CDH4: variants seen among roughly 807,000 people sequenced by gnomAD.
CDH4 encodes the protein cadherin-4.
Under a neutral mutation model 86.0 loss-of-function variants are expected in CDH4, and 33 were observed. The observed-to-expected ratio is 0.38, with a 90% CI of 0.29 to 0.51. The LOEUF (loss-of-function observed/expected upper bound fraction) is 0.51. CDH4 is among the 20% of genes least tolerant of loss of function. The pLI is 0.86. For missense variants in CDH4, 1,114 were observed against 1,307.4 expected, an observed-to-expected ratio of 0.85 and a Z score of 2.28; for synonymous variants, 555 against 549.4, an observed-to-expected ratio of 1.01 and a Z score of -0.14.
chr20:61,284,042 C>T (rs1814356853), intron 2 of CDH4, among the ~76,000 whole-genome samples: 1 of 151,866 alleles, frequency 6.6e-6, no homozygotes, highest in African/African-American at 2.4e-5. Context: ...CGCGGTGGCT[C>T]ACACCTGTAA....
chr20:61,543,828 A>G (rs1330570819), intron 2 of CDH4, among the ~76,000 whole-genome samples: 3 of 152,340 alleles, frequency 2.0e-5, no homozygotes, highest in East Asian at 3.9e-4. Context: ...CACTGAGGCA[A>G]AGGTGGACCA....
intron 9 of CDH4, among the ~76,000 whole-genome samples, chr20:61,916,640 T>C (rs1422054583): frequency 1.3e-5 from 2 of 152,224 alleles, no homozygotes; most frequent in African/African-American, 2.4e-5. Flanking sequence ...TTACTTTAAT[T>C]CCATGAAGGG....
At chr20:61,428,709 G>A (rs2085228168) in intron 2 of CDH4, among the ~76,000 whole-genome samples, 1 of 152,168 alleles carries the variant, frequency 6.6e-6, no homozygotes, top group Non-Finnish European at 1.5e-5. Context: ...TCTCGATCTG[G>A]ATGCTGGTAA....
At chr20:61,667,260 C>T (rs1301945523) in intron 2 of CDH4, among the ~76,000 whole-genome samples, 2 of 152,226 alleles carry the variant, frequency 1.3e-5, no homozygotes, top group Non-Finnish European at 2.9e-5. Context: ...GAGAAACAGT[C>T]GGCCGGGATG....
intron 2 of CDH4, among the ~76,000 whole-genome samples, chr20:61,721,442 C>G (rs933673908): frequency 6.6e-6 from 1 of 152,152 alleles, no homozygotes; most frequent in Non-Finnish European, 1.5e-5. Context: ...TTCTCAGTGT[C>G]TAAATCATCA....
intron 2 of CDH4, among the ~76,000 whole-genome samples, chr20:61,478,828 G>A (rs1043517384): frequency 2.0e-5 from 3 of 152,216 alleles, no homozygotes; most frequent in African/African-American, 4.8e-5. Flanking sequence ...CGTTCGTGTG[G>A]GCACCTGCTT....
At chr20:61,934,392 A>G (rs1235556951) in intron 15 of CDH4, among the ~76,000 whole-genome samples, 172 bp downstream of exon 15, 7 of 152,212 alleles carry the variant, frequency 4.6e-5, no homozygotes, top group Non-Finnish European at 8.8e-5. Context: ...TGGCCTGGGC[A>G]AATCACCTCC....
intron 2 of CDH4, among the ~76,000 whole-genome samples, chr20:61,514,241 T>C (rs2085800978): frequency 6.6e-6 from 1 of 152,062 alleles, no homozygotes. Flanking sequence ...GGGTATGACT[T>C]TCTTCAGACC....
At chr20:61,584,594 G>T (rs2086455865) in intron 2 of CDH4, among the ~76,000 whole-genome samples, 1 of 152,134 alleles carries the variant, frequency 6.6e-6, no homozygotes, top group Admixed American at 6.6e-5. Flanking sequence ...GGAGGTATTG[G>T]GTGCTGGGGG....
At chr20:61,256,636 C>T (rs2084099462) in intron 2 of CDH4, among the ~76,000 whole-genome samples, 1 of 152,152 alleles carries the variant, frequency 6.6e-6, no homozygotes, top group African/African-American at 2.4e-5. Flanking sequence ...GTCACATGCC[C>T]CTGGGTGAAT....
At chr20:61,932,068 C>CTCTTTCAATA (rs1043294921) in intron 13 of CDH4, among the ~76,000 whole-genome samples, 5 of 152,144 alleles carry the variant, frequency 3.3e-5, no homozygotes, top group African/African-American at 9.7e-5. Context: ...AGGGCAGAGC[C>CTCTTTCAATA]TCTTTCAATA....
intron 2 of CDH4, among the ~76,000 whole-genome samples, chr20:61,356,941 G>A (rs1488715558): frequency 3.3e-5 from 5 of 152,186 alleles, no homozygotes; most frequent in African/African-American, 1.2e-4. Flanking sequence ...GGAAGGAAGA[G>A]ATGGATCTCA....
intron 2 of CDH4, among the ~76,000 whole-genome samples, chr20:61,412,574 T>C (rs922901382): frequency 1.3e-5 from 2 of 152,170 alleles, no homozygotes; most frequent in African/African-American, 4.8e-5. Flanking sequence ...TTGGCTCTTA[T>C]AATTTAATTT....
rs1368449108 is a variant in CDH4, at chr20:61,393,920, A to G, written c.169+138983A>G. Among the ~76,000 whole-genome samples, 1 of 152,078 alleles carries G rather than the reference A, an allele frequency of 6.6e-6. No homozygotes were observed. The highest frequency in any genetic ancestry group is 1.5e-5 in the Non-Finnish European group (1 of 68,012). On this transcript the variant is annotated intron_variant, in intron 2 of 15. Transcript: ENST00000614565. The surrounding 1 kb of genome is among the most constrained non-coding windows in gnomAD (Gnocchi z 4.3). ...AGAGTGTGCACTTAATGTTACCATT[A>G]ACATCATCATAATGACTGCCCCATA...
At chr20:61,285,616 T>C (rs1304954407) in intron 2 of CDH4, among the ~76,000 whole-genome samples, 4 of 152,210 alleles carry the variant, frequency 2.6e-5, no homozygotes, top group African/African-American at 9.6e-5. Context: ...ATAAAGGAAA[T>C]GAAACATTAT....
chr20:61,639,571 T>C (rs926285489), intron 2 of CDH4, among the ~76,000 whole-genome samples: 1 of 152,200 alleles, frequency 6.6e-6, no homozygotes, highest in African/African-American at 2.4e-5. Context: ...TAAGAGGTCA[T>C]CTTGATGAGA....
intron 2 of CDH4, among the ~76,000 whole-genome samples, chr20:61,442,395 C>T (rs116884929): frequency 0.013 from 1,955 of 147,444 alleles, 22 homozygotes; most frequent in Non-Finnish European, 0.021. Flanking sequence ...GAAACATCCC[C>T]ATATCGCTTA....
At chr20:61,867,093 G>T (rs1983584637) in intron 6 of CDH4, among the ~76,000 whole-genome samples, 1 of 152,248 alleles carries the variant, frequency 6.6e-6, no homozygotes, top group South Asian at 2.1e-4. Context: ...TGCCTTCCAG[G>T]TGCCCACACA....
intron 2 of CDH4, among the ~76,000 whole-genome samples, chr20:61,357,895 T>C (rs905042433): frequency 2.6e-5 from 4 of 152,162 alleles, no homozygotes; most frequent in African/African-American, 9.7e-5. Flanking sequence ...TTTATTTTTT[T>C]TCCCCAGTCA....
Sources: allele counts gnomAD v4.1 joint callset (sites outside exome capture counted in the v4.1 genomes callset), GRCh38; gene constraint gnomAD v4.1.1; non-coding constraint Gnocchi (gnomAD v3.1); transcripts MANE v1.5; gene names NCBI Gene and HGNC (gene_info 2026-07-23, HGNC 2026-07-21).